CACNA1E: variants seen among roughly 807,000 people sequenced by gnomAD.
CACNA1E encodes the protein calcium voltage-gated channel subunit alpha1 E.
Under a neutral mutation model 259.2 loss-of-function variants are expected in CACNA1E, and 40 were observed. The ratio of observed to expected loss-of-function variants is 0.15; its 90% CI spans 0.12 to 0.20. CACNA1E has a LOEUF of 0.20. CACNA1E is among the 10% of genes least tolerant of loss of function. The pLI is 1.00. For synonymous variants in CACNA1E, 1,104 were observed against 1,138.5 expected (o/e 0.97, Z 0.61); for missense variants, 1,874 against 3,040.1 (o/e 0.62, Z 9.02).
intron 6 of CACNA1E, among the ~76,000 whole-genome samples, chr1:181,645,527 C>T (rs984101316): frequency 2.0e-5 from 3 of 152,156 alleles, no homozygotes; most frequent in Non-Finnish European, 4.4e-5. Flanking sequence ...CTTTTCACTG[C>T]CTTTCTGGCT....
At chr1:181,663,047 T>G (rs973878850) in intron 7 of CACNA1E, among the ~76,000 whole-genome samples, 9 of 152,210 alleles carry the variant, frequency 5.9e-5, no homozygotes, top group Admixed American at 5.9e-4. Flanking sequence ...CCCCCCAATC[T>G]CATTTTACAA....
chr1:181,506,886 C>G (rs568859425), intron 1 of CACNA1E, among the ~76,000 whole-genome samples: 1 of 151,532 alleles, frequency 6.6e-6, no homozygotes, highest in South Asian at 2.1e-4. Context: ...CTGCCACTAT[C>G]CATTCTTTCA....
chr1:181,542,952 A>G (rs901272797), intron 3 of CACNA1E, among the ~76,000 whole-genome samples: 1 of 150,488 alleles, frequency 6.6e-6, no homozygotes, highest in Non-Finnish European at 1.5e-5. Flanking sequence ...GCTCATAAGC[A>G]TATTAAAGAA....
intron 2 of CACNA1E, among the ~76,000 whole-genome samples, chr1:181,474,600 T>C (rs1226169860): frequency 1.3e-5 from 2 of 152,364 alleles, no homozygotes; most frequent in African/African-American, 2.4e-5. Context: ...TATGTAATTC[T>C]TCATAAGAGA....
chr1:181,362,925 C>T (rs781041537), intron 1 of CACNA1E, among the ~76,000 whole-genome samples: 3 of 152,130 alleles, frequency 2.0e-5, no homozygotes, highest in Non-Finnish European at 4.4e-5. Flanking sequence ...CTTAGGATCT[C>T]GTTATAAGTT....
intron 2 of CACNA1E, among the ~76,000 whole-genome samples, chr1:181,437,397 C>T (rs577841264): frequency 1.8e-4 from 27 of 152,216 alleles, no homozygotes; most frequent in African/African-American, 5.3e-4. Flanking sequence ...CTACCTCATA[C>T]GCCTCTTTAT....
chr1:181,633,895 T>G (rs895345553), intron 6 of CACNA1E, among the ~76,000 whole-genome samples: 1 of 152,186 alleles, frequency 6.6e-6, no homozygotes, highest in African/African-American at 2.4e-5. Flanking sequence ...GGTTAAGGGA[T>G]TTACCCGATG....
At chr1:181,793,103 A>G (rs1335494506) in intron 44 of CACNA1E, among the ~76,000 whole-genome samples, 2 of 152,266 alleles carry the variant, frequency 1.3e-5, no homozygotes, top group Non-Finnish European at 2.9e-5. Flanking sequence ...AGTGGCTTGC[A>G]TCATCCTTCC....
chr1:181,438,213 C>T lies in CACNA1E; in HGVS notation c.434+24633C>T, dbSNP rs144422471. Among the ~76,000 whole-genome samples, 18 of 152,296 alleles carry T rather than the reference C, an allele frequency of 1.2e-4. 1 individual carries two copies. The East Asian group carries it at 2.7e-3, about 23-fold the overall frequency. On this transcript the variant is annotated intron_variant, in intron 2 of 11. Transcript: ENST00000524607. ...CATATGTCTCAGAACATGATATGCA[C>T]GGCCACTTCCACCCACTGCTTTCAC... is the stretch of plus-strand genomic sequence containing the variant.
chr1:181,516,798 A>G (rs1379755095), intron 3 of CACNA1E, among the ~76,000 whole-genome samples: 3 of 152,126 alleles, frequency 2.0e-5, no homozygotes, highest in Admixed American at 6.5e-5. Context: ...AATATTGTCT[A>G]TTTTCCTAAG....
chr1:181,355,918 T>C (rs950788337), intron 1 of CACNA1E, among the ~76,000 whole-genome samples: 3 of 152,218 alleles, frequency 2.0e-5, no homozygotes, highest in Non-Finnish European at 2.9e-5. Context: ...TGTAAGGCAA[T>C]TAATTTGCAT....
At chr1:181,599,380 G>A (rs528031873) in intron 6 of CACNA1E, among the ~76,000 whole-genome samples, 3 of 152,256 alleles carry the variant, frequency 2.0e-5, no homozygotes, top group Admixed American at 1.3e-4. Flanking sequence ...GGGCATTTAG[G>A]TTGATTCCAT....
At chr1:181,488,072 A>G (rs1021236942) in intron 1 of CACNA1E, among the ~76,000 whole-genome samples, 6 of 152,246 alleles carry the variant, frequency 3.9e-5, no homozygotes, top group African/African-American at 1.2e-4. Flanking sequence ...GCTATGGATC[A>G]GAGGTTGTAT....
At chr1:181,702,779 T>C (rs1312047764) in intron 7 of CACNA1E, among the ~76,000 whole-genome samples, 1 of 152,182 alleles carries the variant, frequency 6.6e-6, no homozygotes, top group Non-Finnish European at 1.5e-5. Flanking sequence ...TCAAGCCACC[T>C]CAGTGAGGCC....
intron 6 of CACNA1E, among the ~76,000 whole-genome samples, chr1:181,590,410 A>ATATAT (rs1489019194): frequency 7.2e-4 from 86 of 119,168 alleles, no homozygotes; most frequent in Non-Finnish European, 1.1e-3. Flanking sequence ...ACAAAAAAAA[A>ATATAT]AAAAAAATAT....
intron 2 of CACNA1E, among the ~76,000 whole-genome samples, chr1:181,448,936 C>T (rs1430979772): frequency 6.6e-6 from 1 of 152,250 alleles, no homozygotes; most frequent in African/African-American, 2.4e-5. Flanking sequence ...CCCCAGCCAG[C>T]ACGGTTGACT....
At chr1:181,701,187 T>G (rs1210701517) in intron 7 of CACNA1E, among the ~76,000 whole-genome samples, 1 of 152,204 alleles carries the variant, frequency 6.6e-6, no homozygotes, top group African/African-American at 2.4e-5. Context: ...GTACAAAGCT[T>G]CAACCTGGTA....
intron 7 of CACNA1E, among the ~76,000 whole-genome samples, chr1:181,685,569 T>C (rs968814987): frequency 1.3e-5 from 2 of 152,140 alleles, no homozygotes; most frequent in African/African-American, 4.8e-5. Context: ...CAAATTGCCA[T>C]GTTTTGGCCA....
chr1:181,738,347 C>T lies in CACNA1E; in HGVS notation c.3553-20C>T. 1.2e-6 allele frequency: 2 copies of T among 1,607,574 alleles called. No homozygotes were observed. The highest frequency in any genetic ancestry group is 1.7e-6 in the Non-Finnish European group (2 of 1,174,050). On this transcript the variant is annotated intron_variant, in intron 23 of 47. Transcript: ENST00000367573. ...GTTGGCCACACATGGTCATTTCCTT[C>T]CACCATATGTGTCTTTCAGGTCCTG...
Sources: allele counts gnomAD v4.1 joint callset (sites outside exome capture counted in the v4.1 genomes callset), GRCh38; gene constraint gnomAD v4.1.1; transcripts MANE v1.5; gene names NCBI Gene and HGNC (gene_info 2026-07-23, HGNC 2026-07-21).